WDR70: variants seen among roughly 807,000 people sequenced by gnomAD.
WDR70 encodes WD repeat domain 70, also known as WD repeat-containing protein 70.
A neutral mutation model predicts 88.6 loss-of-function variants in WDR70; 53 were observed. The observed-to-expected ratio is 0.60, with a 90% CI of 0.48 to 0.75. The LOEUF is 0.75. Among genes scored for constraint, WDR70 ranks in the 30% least tolerant of loss-of-function variants. WDR70 has a pLI of 0.00. For synonymous variants in WDR70, 280 were observed against 270.0 expected (o/e 1.04, Z -0.36); for missense variants, 610 against 823.2 (o/e 0.74, Z 3.17).
At chr5:37,523,017 G>A (rs1741144974) in intron 9 of WDR70, among the ~76,000 whole-genome samples, 1 of 152,226 alleles carries the variant, frequency 6.6e-6, no homozygotes, top group Non-Finnish European at 1.5e-5. Context: ...CGCAGCTCAA[G>A]GAGGCCTGCC....
At chr5:37,392,162 C>T in intron 4 of WDR70, 42 bp downstream of exon 4, 1 of 1,511,642 alleles carries the variant, frequency 6.6e-7, no homozygotes, top group Non-Finnish European at 9.0e-7. Flanking sequence ...CTATCAGTTT[C>T]TAGGTGTTTA....
chr5:37,520,773 A>G (rs12515702), intron 9 of WDR70, among the ~76,000 whole-genome samples: 90,740 of 152,056 alleles, frequency 0.6, 28,447 homozygotes, highest in Non-Finnish European at 0.69. Context: ...GGAAGAAATT[A>G]CTTAAATCTG....
chr5:37,630,221 C>G (rs952664996), intron 10 of WDR70, among the ~76,000 whole-genome samples: 2 of 152,196 alleles, frequency 1.3e-5, no homozygotes, highest in Admixed American at 6.5e-5. Context: ...AGGGATGTTA[C>G]TCTAGCCAGG....
intron 7 of WDR70, among the ~76,000 whole-genome samples, chr5:37,465,523 A>G (rs1019082583): frequency 2.0e-5 from 3 of 152,212 alleles, no homozygotes; most frequent in Non-Finnish European, 4.4e-5. Context: ...CTGTGCAGAA[A>G]AACAGTTTTA....
chr5:37,715,386 A>G (rs1747626457), intron 13 of WDR70, among the ~76,000 whole-genome samples: 1 of 151,606 alleles, frequency 6.6e-6, no homozygotes, highest in Non-Finnish European at 1.5e-5. Context: ...GGCCCATGGT[A>G]GAATTTCCTT....
intron 10 of WDR70, among the ~76,000 whole-genome samples, chr5:37,679,718 T>G (rs562215202): frequency 6.6e-6 from 1 of 152,340 alleles, no homozygotes; most frequent in East Asian, 1.9e-4. Flanking sequence ...CTGCCCGTTC[T>G]CAGATCTCCA....
intron 8 of WDR70, among the ~76,000 whole-genome samples, chr5:37,499,039 T>A (rs1740313854): frequency 6.6e-6 from 1 of 152,148 alleles, no homozygotes; most frequent in South Asian, 2.1e-4. Context: ...CAAATAGGTG[T>A]TTAGTGGGAT....
intron 10 of WDR70, among the ~76,000 whole-genome samples, chr5:37,654,306 A>T (rs1745490806): frequency 6.6e-6 from 1 of 152,160 alleles, no homozygotes; most frequent in Non-Finnish European, 1.5e-5. Context: ...GTGGTTTGAG[A>T]GACTGTTTGT....
At chr5:37,612,089 T>A (rs1481268083) in intron 10 of WDR70, among the ~76,000 whole-genome samples, 3 of 152,152 alleles carry the variant, frequency 2.0e-5, no homozygotes, top group Non-Finnish European at 2.9e-5. Context: ...AGCACGGTAT[T>A]CACTCTAAGG....
intron 8 of WDR70, among the ~76,000 whole-genome samples, chr5:37,497,039 A>G (rs1224487120): frequency 6.6e-6 from 1 of 152,212 alleles, no homozygotes; most frequent in African/African-American, 2.4e-5. Flanking sequence ...ATTGCAAATC[A>G]TGAACTGTTT....
At chr5:37,456,460 T>C (rs1035586091) in intron 7 of WDR70, among the ~76,000 whole-genome samples, 1 of 152,238 alleles carries the variant, frequency 6.6e-6, no homozygotes, top group Non-Finnish European at 1.5e-5. Flanking sequence ...TTATAAGATA[T>C]GTGTGTCACA....
intron 9 of WDR70, among the ~76,000 whole-genome samples, chr5:37,541,951 T>C (rs528097469): frequency 6.6e-6 from 1 of 152,278 alleles, no homozygotes; most frequent in South Asian, 2.1e-4. Flanking sequence ...ACTGGGAGCA[T>C]AGAGGAAGGG....
intron 9 of WDR70, among the ~76,000 whole-genome samples, chr5:37,538,455 A>T (rs7728951): frequency 0.043 from 6,608 of 152,276 alleles, 479 homozygotes; most frequent in African/African-American, 0.15. Flanking sequence ...TGAGACATTC[A>T]TGTAAACAGC....
chr5:37,632,681 T>A (rs932883916), intron 10 of WDR70, among the ~76,000 whole-genome samples: 2 of 152,230 alleles, frequency 1.3e-5, no homozygotes, highest in South Asian at 2.1e-4. Flanking sequence ...ATAAAAGTTT[T>A]AAAAAATTAA....
At chr5:37,665,426 G>A (rs60556806) in intron 10 of WDR70, among the ~76,000 whole-genome samples, 11,190 of 152,200 alleles carry the variant, frequency 0.074, 446 homozygotes, top group South Asian at 0.13. Context: ...CAGCACATTG[G>A]TAATGTTTAT....
chr5:37,618,198 G>C (rs142243746), intron 10 of WDR70, among the ~76,000 whole-genome samples: 3 of 152,232 alleles, frequency 2.0e-5, no homozygotes, highest in Non-Finnish European at 1.5e-5. Context: ...TGCTGTTACA[G>C]AGTCAAATGT....
intron 9 of WDR70, among the ~76,000 whole-genome samples, chr5:37,548,090 C>T (rs1004320322): frequency 2.6e-5 from 4 of 152,100 alleles, no homozygotes; most frequent in African/African-American, 9.7e-5. Flanking sequence ...TTATTGTGAA[C>T]AGAGCTGCAA....
At chr5:37,621,298 A>G (rs1744498325) in intron 10 of WDR70, among the ~76,000 whole-genome samples, 1 of 152,178 alleles carries the variant, frequency 6.6e-6, no homozygotes, top group Non-Finnish European at 1.5e-5. Context: ...TAAATATTCC[A>G]AATAATTAAA....
chr5:37,471,800 G>T (rs1260074896), intron 7 of WDR70, among the ~76,000 whole-genome samples: 1 of 151,856 alleles, frequency 6.6e-6, no homozygotes, highest in African/African-American at 2.4e-5. Context: ...GTAAAATAAG[G>T]ACAAAGATTT....
Sources: gnomAD v4.1 joint callset for allele counts (sites outside exome capture counted in the v4.1 genomes callset) on GRCh38, gnomAD v4.1.1 for gene constraint, MANE v1.5 for transcripts, NCBI Gene and HGNC (gene_info 2026-07-23, HGNC 2026-07-21) for gene names.